KIAA1549L: variants seen among roughly 807,000 people sequenced by gnomAD.
KIAA1549L encodes UPF0606 protein KIAA1549L.
Under a neutral mutation model 160.7 loss-of-function variants are expected in KIAA1549L, and 88 were observed. The ratio of observed to expected loss-of-function variants is 0.55; its 90% CI spans 0.46 to 0.65. The LOEUF is 0.65. KIAA1549L is among the 30% of genes least tolerant of loss of function. The probability of loss-of-function intolerance (pLI) is 0.00; values close to 1 mark genes in which losing one functional copy is unlikely to be tolerated. For synonymous variants in KIAA1549L, 950 were observed against 976.7 expected, an observed-to-expected ratio of 0.97 and a Z score of 0.51; for missense variants, 2,258 against 2,437.5, an observed-to-expected ratio of 0.93 and a Z score of 1.55.
intron 1 of KIAA1549L, among the ~76,000 whole-genome samples, chr11:33,401,240 TATA>T (rs1303419814): frequency 6.8e-6 from 1 of 147,964 alleles, no homozygotes; most frequent in East Asian, 1.9e-4. Context: ...TATATATTAA[TATA>T]GTATATATAA....
chr11:33,586,997 C>T (rs919225493), intron 11 of KIAA1549L, among the ~76,000 whole-genome samples: 1 of 152,096 alleles, frequency 6.6e-6, no homozygotes, highest in African/African-American at 2.4e-5. Context: ...AAAGACAGTC[C>T]CTGTCGTTGG....
intron 1 of KIAA1549L, among the ~76,000 whole-genome samples, 178 bp downstream of exon 1, chr11:33,377,067 G>C (rs997434623): frequency 1.3e-5 from 2 of 151,172 alleles, no homozygotes; most frequent in Admixed American, 1.3e-4. Flanking sequence ...GGGCGGGGAA[G>C]AAAAAAAAAG....
chr11:33,643,024 A>C (rs1179522870), intron 16 of KIAA1549L, among the ~76,000 whole-genome samples: 1 of 152,224 alleles, frequency 6.6e-6, no homozygotes, highest in Non-Finnish European at 1.5e-5. Flanking sequence ...AGAGGAAGCC[A>C]GGTATAATGA....
intron 9 of KIAA1549L, among the ~76,000 whole-genome samples, chr11:33,572,068 G>A (rs900681007): frequency 5.4e-5 from 8 of 149,228 alleles, no homozygotes; most frequent in Non-Finnish European, 8.9e-5. Context: ...ATAAAGTCTC[G>A]CTCTGTCGCC....
chr11:33,574,836 C>T lies in KIAA1549L; in HGVS notation c.4365C>T (p.Ala1455=). The change falls in exon 10 of 21, where the codon GCC becomes GCT. Residue 1455 remains alanine (A), a synonymous_variant. Transcript: ENST00000658780. ...ILSTIDSQRM[A]LTLHHVVLLQ... is the part of the protein sequence containing the mutation. The stretch of plus-strand genomic sequence containing the variant: ...GCACCATTGATTCCCAAAGGATGGC[C>T]TTGACCCTTCATCACGTTGTCCTTC... 6.2e-7 allele frequency: 1 copy of T among 1,614,014 alleles called. No individual in the cohort carries two copies. The highest frequency in any genetic ancestry group is 8.5e-7 in the Non-Finnish European group (1 of 1,179,876).
Position 33,598,885 on chromosome 11 carries a change from G to C in KIAA1549L, c.4817G>C (p.Arg1606Pro). Residue 1606 changes from arginine to proline, a missense_variant, in exon 13 of 21, where the codon CGC (arginine) becomes CCC (proline). Physicochemically the swap from Arg to Pro is moderately radical, Grantham distance 103. Transcript: ENST00000658780. ...TCAGGGAAGCCCAGCTCAGGGAGAC[G>C]CTCACCCCAGAATGTAATGGCACAG... ...NESGKPSSGR[R>P]SPQNVMAQQK... is the part of the protein sequence containing the mutation. The C allele has an allele frequency of 6.2e-7, 1 of 1,613,766 alleles. No homozygotes were observed. The highest frequency in any genetic ancestry group is 8.5e-7 in the Non-Finnish European group (1 of 1,179,784).
intron 1 of KIAA1549L, among the ~76,000 whole-genome samples, chr11:33,452,616 ATG>A (rs1236501104): frequency 1.1e-4 from 15 of 131,534 alleles, no homozygotes; most frequent in African/African-American, 6.7e-4. Context: ...TCAAATAAAT[ATG>A]TATGTATGTA....
chr11:33,554,486 T>C (rs1215515098), intron 6 of KIAA1549L, among the ~76,000 whole-genome samples: 1 of 152,186 alleles, frequency 6.6e-6, no homozygotes, highest in Non-Finnish European at 1.5e-5. Context: ...ATTATTTGAT[T>C]TCATCAAGCT....
intron 1 of KIAA1549L, among the ~76,000 whole-genome samples, chr11:33,506,402 T>C (rs1273404244): frequency 6.6e-6 from 1 of 152,178 alleles, no homozygotes; most frequent in African/African-American, 2.4e-5. Flanking sequence ...GTTTGTTTCA[T>C]CACCATTTCT....
intron 1 of KIAA1549L, among the ~76,000 whole-genome samples, chr11:33,457,879 G>A (rs11032278): frequency 2.6e-5 from 4 of 152,264 alleles, no homozygotes; most frequent in East Asian, 1.9e-4. Flanking sequence ...CAGGAGATAC[G>A]CAGGACCAAG....
At chr11:33,625,595 T>A (rs1433199649) in intron 16 of KIAA1549L, among the ~76,000 whole-genome samples, 1 of 152,084 alleles carries the variant, frequency 6.6e-6, no homozygotes, top group Non-Finnish European at 1.5e-5. Context: ...TGCCCACTTT[T>A]TGATGGGGTT....
intron 16 of KIAA1549L, among the ~76,000 whole-genome samples, chr11:33,637,939 TTTTCTC>T (rs1851479499): frequency 6.6e-6 from 1 of 152,138 alleles, no homozygotes; most frequent in Non-Finnish European, 1.5e-5. Flanking sequence ...AGTCCTTTCT[TTTTCTC>T]AAGCACTACC....
intron 16 of KIAA1549L, among the ~76,000 whole-genome samples, chr11:33,640,135 T>C (rs1851546286): frequency 6.6e-6 from 1 of 152,178 alleles, no homozygotes. Flanking sequence ...TTTACATATA[T>C]ATAAAATATA....
Position 33,499,685 on chromosome 11 carries a change from T to G in KIAA1549L, c.239-42117T>G, listed in dbSNP as rs150398369. On this transcript the variant is annotated intron_variant, in intron 1 of 20. Coordinates refer to ENST00000658780, the MANE Select transcript of KIAA1549L (RefSeq NM_012194.3). Reference sequence around the variant, plus strand: ...TTATCTCACTTCCACGTCCCCTTCTTAGATCCAGCCCATCATTTCATCACA... The same window carrying G: ...TTATCTCACTTCCACGTCCCCTTCTGAGATCCAGCCCATCATTTCATCACA... Among the ~76,000 whole-genome samples, 497 of 152,344 alleles carry G rather than the reference T, an allele frequency of 3.3e-3. 1 individual carries two copies. The highest frequency in any genetic ancestry group is 0.011 in the African/African-American group (466 of 41,586).
At chr11:33,627,301 T>C (rs1221496951) in intron 16 of KIAA1549L, among the ~76,000 whole-genome samples, 3 of 150,058 alleles carry the variant, frequency 2.0e-5, no homozygotes, top group African/African-American at 7.4e-5. Flanking sequence ...TCCCTCTTTT[T>C]CTATTGATTG....
At chr11:33,433,099 T>G (rs1318319571) in intron 1 of KIAA1549L, among the ~76,000 whole-genome samples, 1 of 152,158 alleles carries the variant, frequency 6.6e-6, no homozygotes, top group Non-Finnish European at 1.5e-5. Context: ...CTAATTAAAT[T>G]GAGCTTCTGC....
intron 16 of KIAA1549L, among the ~76,000 whole-genome samples, chr11:33,640,114 A>ATG (rs144060713): frequency 1.3e-5 from 2 of 152,030 alleles, no homozygotes; most frequent in South Asian, 4.1e-4. Context: ...GCCTGCATAT[A>ATG]TGTGTGTGTG....
chr11:33,657,937 C>A (rs549204184), intron 18 of KIAA1549L, among the ~76,000 whole-genome samples: 1 of 152,232 alleles, frequency 6.6e-6, no homozygotes, highest in Non-Finnish European at 1.5e-5. Flanking sequence ...GGGGGCCAGG[C>A]CTGCTGCAGC....
At chr11:33,519,267 T>G (rs1001033872) in intron 1 of KIAA1549L, among the ~76,000 whole-genome samples, 3 of 152,182 alleles carry the variant, frequency 2.0e-5, no homozygotes, top group Non-Finnish European at 4.4e-5. Flanking sequence ...ATCCATTTTT[T>G]TTGAGAGAGT....
Sources: gnomAD v4.1 joint callset for allele counts (sites outside exome capture counted in the v4.1 genomes callset) on GRCh38, gnomAD v4.1.1 for gene constraint, MANE v1.5 for transcripts, NCBI Gene and HGNC (gene_info 2026-07-23, HGNC 2026-07-21) for gene names.